The following LYPLAL1 variants were observed in gnomAD, a reference collection of about 807,000 sequenced individuals.
LYPLAL1 encodes the protein lysophospholipase-like protein 1.
LYPLAL1 carries 23 observed loss-of-function variants against 19.7 expected under a neutral mutation model. The ratio of observed to expected loss-of-function variants is 1.17; its 90% CI spans 0.84 to 1.65. The LOEUF is 1.65. Ranked by LOEUF, LYPLAL1 falls within the 40% of genes most tolerant of loss-of-function variation. The pLI, the probability that LYPLAL1 is intolerant of heterozygous loss-of-function variation, is 0.00. For missense variants in LYPLAL1, 355 were observed against 279.4 expected, an observed-to-expected ratio of 1.27 and a Z score of -1.93; for synonymous variants, 119 against 96.3, an observed-to-expected ratio of 1.24 and a Z score of -1.38.
At chr1:219,228,750 G>T in the LYPLAL1 span, among the ~76,000 whole-genome samples, 3 of 151,924 alleles carry the variant, frequency 2.0e-5, 1 homozygote, top group Non-Finnish European at 1.5e-5. Flanking sequence ...CGCGATCTTG[G>T]CTCACCACAA....
chr1:219,378,541 G>A, the LYPLAL1 span, among the ~76,000 whole-genome samples: 1 of 152,058 alleles, frequency 6.6e-6, no homozygotes. Context: ...ATTAAAAATT[G>A]TTATTCAAGC....
the LYPLAL1 span, among the ~76,000 whole-genome samples, chr1:219,366,681 G>A: frequency 6.6e-6 from 1 of 152,126 alleles, no homozygotes; most frequent in African/African-American, 2.4e-5. Context: ...AAGTTACATG[G>A]CCAAACCTGA....
At chr1:219,344,582 T>A in the LYPLAL1 span, among the ~76,000 whole-genome samples, 1 of 152,146 alleles carries the variant, frequency 6.6e-6, no homozygotes, top group Non-Finnish European at 1.5e-5. Flanking sequence ...TTTCTTGACA[T>A]CTCTCCCAAA....
the LYPLAL1 span, among the ~76,000 whole-genome samples, chr1:219,346,135 G>A: frequency 6.6e-6 from 1 of 152,176 alleles, no homozygotes; most frequent in Non-Finnish European, 1.5e-5. Flanking sequence ...TATTGCCAGG[G>A]AAGAAGGCTT....
At chr1:219,425,451 C>T in the LYPLAL1 span, among the ~76,000 whole-genome samples, 2 of 152,162 alleles carry the variant, frequency 1.3e-5, no homozygotes, top group Non-Finnish European at 2.9e-5. Context: ...CACTTCTATC[C>T]TCTACTGGCT....
chr1:219,349,685 A>G, the LYPLAL1 span, among the ~76,000 whole-genome samples: 1 of 152,222 alleles, frequency 6.6e-6, no homozygotes, highest in Non-Finnish European at 1.5e-5. Context: ...AGAGGGCAGC[A>G]TGAAAACAAA....
At chr1:219,182,690 C>G (rs964972138) in intron 2 of LYPLAL1, among the ~76,000 whole-genome samples, 5 of 152,060 alleles carry the variant, frequency 3.3e-5, no homozygotes, top group African/African-American at 1.2e-4. Context: ...TATTTATTCT[C>G]TCTCCTGATT....
At chr1:219,320,677 G>A in the LYPLAL1 span, among the ~76,000 whole-genome samples, 1 of 152,202 alleles carries the variant, frequency 6.6e-6, no homozygotes, top group Non-Finnish European at 1.5e-5. Flanking sequence ...ACCTCTGAGT[G>A]AGAACATGCG....
At chr1:219,410,970 C>A in the LYPLAL1 span, among the ~76,000 whole-genome samples, 1 of 152,236 alleles carries the variant, frequency 6.6e-6, no homozygotes, top group African/African-American at 2.4e-5. Context: ...CGAGCCTCCC[C>A]GACGAGCGCC....
the LYPLAL1 span, among the ~76,000 whole-genome samples, chr1:219,307,572 G>T: frequency 1.3e-5 from 2 of 152,164 alleles, no homozygotes; most frequent in Admixed American, 1.3e-4. Context: ...GCAAAGTTGA[G>T]AACATTAGAG....
chr1:219,255,674 T>A, the LYPLAL1 span, among the ~76,000 whole-genome samples: 1 of 151,984 alleles, frequency 6.6e-6, no homozygotes, highest in Non-Finnish European at 1.5e-5. Flanking sequence ...TCTCCATTCC[T>A]AACATCAAGA....
chr1:219,216,287 T>C (rs142133180), downstream of LYPLAL1, among the ~76,000 whole-genome samples: 74 of 152,316 alleles, frequency 4.9e-4, no homozygotes, highest in African/African-American at 1.6e-3. Flanking sequence ...CCCTTTATAA[T>C]ATCTAGTGAC....
the LYPLAL1 span, among the ~76,000 whole-genome samples, chr1:219,443,054 G>T: frequency 6.6e-6 from 1 of 150,880 alleles, no homozygotes; most frequent in Non-Finnish European, 1.5e-5. Flanking sequence ...TTAAAATAAT[G>T]CTATGCAATT....
At chr1:219,326,939 A>G in the LYPLAL1 span, among the ~76,000 whole-genome samples, 1 of 152,202 alleles carries the variant, frequency 6.6e-6, no homozygotes, top group Admixed American at 6.5e-5. Context: ...AAAGCACAGT[A>G]AACAACAGCA....
At chr1:219,419,505 G>T in the LYPLAL1 span, among the ~76,000 whole-genome samples, 1 of 145,868 alleles carries the variant, frequency 6.9e-6, no homozygotes, top group South Asian at 2.2e-4. Context: ...GATCAGAGTT[G>T]GTGCATGCTC....
chr1:219,270,267 C>T, the LYPLAL1 span, among the ~76,000 whole-genome samples: 1 of 152,210 alleles, frequency 6.6e-6, no homozygotes, highest in African/African-American at 2.4e-5. Flanking sequence ...GAGTGAAGTT[C>T]AGAGTGGAAG....
chr1:219,326,607 A>C, the LYPLAL1 span, among the ~76,000 whole-genome samples: 1 of 152,170 alleles, frequency 6.6e-6, no homozygotes, highest in African/African-American at 2.4e-5. Context: ...TACCTATTTG[A>C]TTCAAATTAG....
the LYPLAL1 span, among the ~76,000 whole-genome samples, chr1:219,425,453 CT>C: frequency 3.3e-5 from 5 of 152,194 alleles, no homozygotes; most frequent in Non-Finnish European, 7.3e-5. Flanking sequence ...CTTCTATCCT[CT>C]ACTGGCTCTA....
At chr1:219,297,150 C>T in the LYPLAL1 span, among the ~76,000 whole-genome samples, 1 of 152,160 alleles carries the variant, frequency 6.6e-6, no homozygotes, top group Non-Finnish European at 1.5e-5. Flanking sequence ...TAGGAATGAG[C>T]TCACAATTGG....
Sources: gnomAD v4.1 joint callset for allele counts (sites outside exome capture counted in the v4.1 genomes callset) on GRCh38, gnomAD v4.1.1 for gene constraint, MANE v1.5 for transcripts, NCBI Gene and HGNC (gene_info 2026-07-23, HGNC 2026-07-21) for gene names.